HUS1: variants seen among roughly 807,000 people sequenced by gnomAD.
The protein encoded by HUS1 is checkpoint protein HUS1.
A neutral mutation model predicts 32.6 loss-of-function variants in HUS1; 31 were observed. The ratio of observed to expected loss-of-function variants is 0.95; its 90% CI spans 0.72 to 1.28. The LOEUF (loss-of-function observed/expected upper bound fraction) is 1.28, where lower values mean the gene tolerates loss of function less well. Ranked by LOEUF, HUS1 falls within the 50% of genes most tolerant of loss-of-function variation. The probability of loss-of-function intolerance (pLI) is 0.00; values close to 1 mark genes in which losing one functional copy is unlikely to be tolerated. For missense variants in HUS1, 340 were observed against 337.7 expected, an observed-to-expected ratio of 1.01 and a Z score of -0.05; for synonymous variants, 123 against 116.6, an observed-to-expected ratio of 1.06 and a Z score of -0.36.
chr7:47,976,558 A>G, intron 4 of HUS1, 172 bp downstream of exon 4: 1 of 631,844 alleles, frequency 1.6e-6, no homozygotes, highest in East Asian at 2.9e-5. Context: ...CATTTCTATC[A>G]TATGCAACAT....
chr7:47,979,375 C>T, intron 1 of HUS1, 93 bp downstream of exon 1: 1 of 1,514,644 alleles, frequency 6.6e-7, no homozygotes, highest in Non-Finnish European at 9.0e-7. Context: ...CTTCCGGCGC[C>T]CATCCCCGTT....
chr7:47,979,406 C>G (rs1788778603), intron 1 of HUS1, 62 bp downstream of exon 1: 2 of 1,602,310 alleles, frequency 1.2e-6, no homozygotes, highest in Non-Finnish European at 1.7e-6. Context: ...TGCGCGGTCC[C>G]CACCGCGCGC....
Position 47,963,481 on chromosome 7 carries a change from A to G in HUS1, c.*1875T>C, listed in dbSNP as rs1207586002. The G allele has an allele frequency of 6.6e-6, 1 of 152,226 alleles. No individual in the cohort carries two copies. 9.4% of individuals were successfully genotyped at this position (152,226 alleles called of 1,614,324 possible). On this transcript the variant is annotated 3_prime_UTR_variant, in exon 8 of 8. Transcript: ENST00000258774. ...ACTTTCAGATATTGTTTCATTTTGT[A>G]TCATGATTTTTAAGTTTTCTCACTG...
rs1189431144 is a variant in HUS1 at position 47,978,801 on chromosome 7, A to G, written c.68T>C (p.Ile23Thr). 1.2e-6 allele frequency: 2 copies of G among 1,614,100 alleles called. No individual in the cohort carries two copies. The highest frequency in any genetic ancestry group is 1.7e-5 in the Admixed American group (1 of 60,012). ...LNHFTRISNM[I>T]AKLAKTCTLR... ...GGTGCAGGTTTTGGCAAGCTTGGCT[A>G]TCATGTTACTGATTCCTAAAGCAGG... The change falls in exon 2 of 8, where the codon ATA (isoleucine) becomes ACA (threonine). Residue 23 changes from isoleucine to threonine, a missense_variant. Coordinates refer to ENST00000258774, the MANE Select transcript of HUS1 (RefSeq NM_004507.4).
chr7:47,976,959 A>T, intron 3 of HUS1, 122 bp from the exon 4 acceptor site: 1 of 637,228 alleles, frequency 1.6e-6, no homozygotes, highest in Non-Finnish European at 2.8e-6. Context: ...CTGTCAGTTT[A>T]TTCACTCAAA....
At chr7:47,978,110 A>C (rs939309995) in intron 3 of HUS1, 1 of 204,948 alleles carries the variant, frequency 4.9e-6, no homozygotes, top group Non-Finnish European at 8.5e-6. Flanking sequence ...AAACATGTCA[A>C]AGGTGAAAAT....
At position 47,973,414 on chromosome 7, in the gene HUS1, T is replaced by C. The variant is rs995292454; in HGVS notation, c.540+2199A>G. Among the ~76,000 whole-genome samples, 103 of 152,332 alleles carry C rather than the reference T, an allele frequency of 6.8e-4. 1 individual carries two copies. Among genetic ancestry groups the C allele is most frequent in the African/African-American group, 2.4e-3 (100 of 41,582 alleles). ...CCAGATTCCAGGGGATTCACACGCA[T>C]GGTAGAACTTAGAAGCAATGTCTTA... is the stretch of plus-strand genomic sequence containing the variant. On this transcript the variant is annotated intron_variant, in intron 5 of 7. Transcript: ENST00000258774.
At chr7:47,974,364 G>GAGC (rs1788655703) in intron 5 of HUS1, among the ~76,000 whole-genome samples, 1 of 151,958 alleles carries the variant, frequency 6.6e-6, no homozygotes, top group Non-Finnish European at 1.5e-5. Context: ...CTCCATGGAG[G>GAGC]AGCTTCCAGA....
chr7:47,967,038 CT>C (rs1212989084), intron 7 of HUS1, among the ~76,000 whole-genome samples: 1 of 152,224 alleles, frequency 6.6e-6, no homozygotes, highest in Non-Finnish European at 1.5e-5. Context: ...CTAGAATCTT[CT>C]GTTCCTTCTC....
chr7:47,976,876 A>C, intron 3 of HUS1, 39 bp from the exon 4 acceptor site: 1 of 1,368,922 alleles, frequency 7.3e-7, no homozygotes, highest in Non-Finnish European at 1.0e-6. Flanking sequence ...TTATGTTGTT[A>C]ATATTAAGCA....
chr7:47,973,354 A>C (rs1788636755), intron 5 of HUS1, among the ~76,000 whole-genome samples: 1 of 152,260 alleles, frequency 6.6e-6, no homozygotes, highest in South Asian at 2.1e-4. Flanking sequence ...CTCAGGCTCC[A>C]GCTCAGACCT....
chr7:47,973,901 C>G, intron 5 of HUS1, among the ~76,000 whole-genome samples: 1 of 152,232 alleles, frequency 6.6e-6, no homozygotes, highest in East Asian at 1.9e-4. Flanking sequence ...CTGGGCCTCT[C>G]TGAATTTCTC....
intron 5 of HUS1, 150 bp downstream of exon 5, chr7:47,975,463 C>T: frequency 1.6e-6 from 1 of 636,602 alleles, no homozygotes; most frequent in South Asian, 1.8e-5. Context: ...AACTAGCAAT[C>T]TGCAGGTTCT....
chr7:47,977,817 C>T (rs1192992236), intron 3 of HUS1, among the ~76,000 whole-genome samples: 1 of 152,124 alleles, frequency 6.6e-6, no homozygotes. Context: ...TCGCTTGAAC[C>T]CGGGAGATGG....
chr7:47,967,333 G>C (rs1788498791), intron 7 of HUS1, among the ~76,000 whole-genome samples: 1 of 152,226 alleles, frequency 6.6e-6, no homozygotes, highest in South Asian at 2.1e-4. Flanking sequence ...TTAACAACCA[G>C]CAGCCAAGGG....
chr7:47,975,719 T>C (rs1439304585), intron 4 of HUS1, 32 bp from the exon 5 acceptor site: 1 of 1,259,960 alleles, frequency 7.9e-7, no homozygotes. Context: ...AGCACAAGTA[T>C]TAAAAATATT....
intron 3 of HUS1, among the ~76,000 whole-genome samples, chr7:47,977,740 A>G (rs1788735609): frequency 6.6e-6 from 1 of 152,116 alleles, no homozygotes; most frequent in Admixed American, 6.5e-5. Context: ...AAAAAAATAC[A>G]AAAATTAGCT....
intron 5 of HUS1, among the ~76,000 whole-genome samples, chr7:47,973,311 C>T (rs914521674): frequency 6.6e-6 from 1 of 152,328 alleles, no homozygotes; most frequent in Admixed American, 6.5e-5. Flanking sequence ...CAGGCAGCAT[C>T]GACATCTCCC....
intron 6 of HUS1, 92 bp from the exon 7 acceptor site, chr7:47,968,017 C>A (rs1447399414): frequency 8.4e-6 from 11 of 1,316,794 alleles, no homozygotes; most frequent in Middle Eastern, 1.9e-4. Flanking sequence ...ATAAATGATT[C>A]ACTTTAGCAC....
Sources: gnomAD v4.1 joint callset for allele counts (sites outside exome capture counted in the v4.1 genomes callset) on GRCh38, gnomAD v4.1.1 for gene constraint, MANE v1.5 for transcripts, NCBI Gene and HGNC (gene_info 2026-07-23, HGNC 2026-07-21) for gene names.